Variants in EPB41L1 observed in about 807,000 individuals in gnomAD.
EPB41L1 encodes band 4.1-like protein 1.
A neutral mutation model predicts 97.8 loss-of-function variants in EPB41L1; 29 were observed. The observed-to-expected ratio is 0.30, with a 90% CI of 0.22 to 0.40. The LOEUF (loss-of-function observed/expected upper bound fraction) is 0.40. EPB41L1 is among the 10% of genes least tolerant of loss of function. The pLI is 1.00. For missense variants in EPB41L1, 812 were observed against 1,162.3 expected, an observed-to-expected ratio of 0.70 and a Z score of 4.38; for synonymous variants, 383 against 459.2, an observed-to-expected ratio of 0.83 and a Z score of 2.12.
chr20:36,111,573 G>C (rs2147594095), intron 1 of EPB41L1, among the ~76,000 whole-genome samples: 1 of 152,258 alleles, frequency 6.6e-6, no homozygotes, highest in East Asian at 1.9e-4. Context: ...ATCACTTGAG[G>C]TCAGGAGTTT....
At chr20:36,118,931 T>C (rs1002315611) in intron 2 of EPB41L1, among the ~76,000 whole-genome samples, 3 of 152,084 alleles carry the variant, frequency 2.0e-5, no homozygotes, top group African/African-American at 7.2e-5. Flanking sequence ...TGAAATGACT[T>C]ACCTAGGGCA....
At chr20:36,112,463 G>A (rs995690712) in exon 2 of EPB41L1, 1 of 152,426 alleles carries the variant, frequency 6.6e-6, no homozygotes, top group African/African-American at 2.4e-5. Flanking sequence ...CCGGGGAGCT[G>A]GTGTGGACAG....
chr20:36,215,292 A>G (rs2063376105), intron 17 of EPB41L1, among the ~76,000 whole-genome samples: 1 of 152,040 alleles, frequency 6.6e-6, no homozygotes, highest in South Asian at 2.1e-4. Flanking sequence ...AGGCCTTCTG[A>G]CACCAGGAGC....
At chr20:36,160,309 C>A (rs747501223) in intron 1 of EPB41L1, among the ~76,000 whole-genome samples, 3 of 152,154 alleles carry the variant, frequency 2.0e-5, no homozygotes, top group Non-Finnish European at 2.9e-5. Context: ...GTAGGCCAGG[C>A]ACGGTGGCTC....
rs1290791698 is a variant in EPB41L1, at chr20:36,154,926, C to A, written c.-15+30C>A. 1 of 1,099,256 alleles carries A rather than the reference C, an allele frequency of 9.1e-7. No homozygotes were observed. The highest frequency in any genetic ancestry group is 1.1e-6 in the Non-Finnish European group (1 of 893,870). 68.1% of individuals were successfully genotyped at this position (1,099,256 alleles called of 1,614,324 possible). A position where few individuals can be genotyped will look rare whatever the true frequency, so the allele number is the denominator to read the frequency against. On this transcript the variant is annotated intron_variant, in intron 1 of 21. Coordinates refer to ENST00000338074, the MANE Select transcript of EPB41L1 (RefSeq NM_012156.2). The surrounding 1 kb of genome is among the most constrained non-coding windows in gnomAD (Gnocchi z 5.5). Reference sequence around the variant, plus strand: ...GCACATGGGGGAATCAGGTGGCTCTCGGGGCCGGGGGCTTGCAACATCTAG... The same window carrying A: ...GCACATGGGGGAATCAGGTGGCTCTAGGGGCCGGGGGCTTGCAACATCTAG...
rs971099568 is a variant in EPB41L1, at chr20:36,093,209, G to A, written c.-65+1597G>A. Among the ~76,000 whole-genome samples the A allele has an allele frequency of 6.6e-6, 1 of 152,112 alleles. No individual in the cohort carries two copies. The highest frequency in any genetic ancestry group is 2.1e-4 in the South Asian group (1 of 4,834). On this transcript the variant is annotated intron_variant, in intron 1 of 19. Transcript: ENST00000202028. The surrounding 1 kb of genome is among the most constrained non-coding windows in gnomAD (Gnocchi z 5.4). ...AGGGTGCGTGTGTCTGCGTGTGTCT[G>A]TCGGTGAATGTATCTGTGAGAGGGT...
chr20:36,134,852 CTTTT>C (rs764236552), intron 2 of EPB41L1, among the ~76,000 whole-genome samples: 9 of 107,628 alleles, frequency 8.4e-5, no homozygotes, highest in Non-Finnish European at 1.3e-4. Flanking sequence ...TTTTCTCTGT[CTTTT>C]TTTTTTTTTT....
chr20:36,152,297 C>T (rs2060087142), upstream of EPB41L1: 1 of 152,206 alleles, frequency 6.6e-6, no homozygotes, highest in African/African-American at 2.4e-5. Context: ...GAATTGAGCC[C>T]TTTGGGTATA....
At chr20:36,172,310 C>G (rs1397603776) in intron 1 of EPB41L1, among the ~76,000 whole-genome samples, 5 of 152,034 alleles carry the variant, frequency 3.3e-5, no homozygotes, top group Non-Finnish European at 5.9e-5. Context: ...AACTCCTGAC[C>G]TCAGGTGATC....
chr20:36,094,371 A>G (rs2057763338), intron 1 of EPB41L1, among the ~76,000 whole-genome samples: 1 of 152,180 alleles, frequency 6.6e-6, no homozygotes, highest in South Asian at 2.1e-4. Flanking sequence ...TTGGGAATTT[A>G]GTCTGTGGCT....
intron 5 of EPB41L1, among the ~76,000 whole-genome samples, chr20:36,181,930 T>A (rs1336088806): frequency 6.6e-6 from 1 of 152,192 alleles, no homozygotes; most frequent in Non-Finnish European, 1.5e-5. Context: ...CCTCAGTGTC[T>A]TCATCTATAA....
At chr20:36,203,706 G>A (rs2062626784) in intron 14 of EPB41L1, among the ~76,000 whole-genome samples, 1 of 152,208 alleles carries the variant, frequency 6.6e-6, no homozygotes, top group African/African-American at 2.4e-5. Context: ...CTGTGGTCCT[G>A]AAGCCTTAAT....
rs182114146 is a variant in EPB41L1, at chr20:36,164,585, G to A, written c.-14-9179G>A. ...TGTTCTCATGTTGTTTCACTGCTGT[G>A]CCTATGCATACAAAGACATGCTTCT... On this transcript the variant is annotated intron_variant, in intron 1 of 21. Transcript: ENST00000338074. Among the ~76,000 whole-genome samples, 12 of 152,300 alleles carry A rather than the reference G, an allele frequency of 7.9e-5. No homozygotes were observed. The East Asian group carries it at 2.3e-3, about 29-fold the overall frequency.
intron 21 of EPB41L1, among the ~76,000 whole-genome samples, chr20:36,223,728 T>A (rs1027902923): frequency 6.6e-6 from 1 of 152,186 alleles, no homozygotes; most frequent in African/African-American, 2.4e-5. Flanking sequence ...GATGCAGTAT[T>A]CACAAGGAAG....
chr20:36,150,566 CA>C (rs1355089844), upstream of EPB41L1: 1 of 152,174 alleles, frequency 6.6e-6, no homozygotes, highest in Admixed American at 6.5e-5. Context: ...ACATACCTGT[CA>C]GTCATATTCC....
intron 2 of EPB41L1, among the ~76,000 whole-genome samples, chr20:36,129,253 C>A (rs1005634104): frequency 1.3e-5 from 2 of 152,082 alleles, no homozygotes; most frequent in African/African-American, 4.8e-5. Context: ...TCTGAAGACA[C>A]CAGAAAATTC....
At position 36,207,491 on chromosome 20, in the gene EPB41L1, G is replaced by A. The variant is rs928463588; in HGVS notation, c.1669-1997G>A. The A allele has an allele frequency of 7.0e-6, 9 of 1,289,694 alleles. No homozygotes were observed. Among genetic ancestry groups the A allele is most frequent in the South Asian group, 2.5e-5 (2 of 81,030 alleles). The allele number at this position is 1,289,694 out of a possible 1,614,324, so 79.9% of individuals were successfully genotyped here. A position where few individuals can be genotyped will look rare whatever the true frequency, so the allele number is the denominator to read the frequency against. On this transcript the variant is annotated intron_variant, in intron 14 of 21. Coordinates refer to ENST00000338074, the MANE Select transcript of EPB41L1 (RefSeq NM_012156.2). The surrounding 1 kb of genome is among the most constrained non-coding windows in gnomAD (Gnocchi z 4.9). Reference sequence around the variant, plus strand: ...GAGACCCACGGAGCTGAAACTCGCCGAATGAGTGAGGGTGAAGCAAGGTCC... The same window carrying A: ...GAGACCCACGGAGCTGAAACTCGCCAAATGAGTGAGGGTGAAGCAAGGTCC...
At chr20:36,215,478 C>T (rs940933470) in intron 17 of EPB41L1, among the ~76,000 whole-genome samples, 7 of 152,208 alleles carry the variant, frequency 4.6e-5, no homozygotes, top group African/African-American at 1.4e-4. Context: ...CTGACATACA[C>T]ATAGGAAGGT....
At chr20:36,182,877 C>T (rs1010335688) in intron 6 of EPB41L1, among the ~76,000 whole-genome samples, 9 of 152,154 alleles carry the variant, frequency 5.9e-5, no homozygotes, top group African/African-American at 2.2e-4. Flanking sequence ...TGCCTTTGAA[C>T]GTAGAACTTT....
Sources: allele counts gnomAD v4.1 joint callset (sites outside exome capture counted in the v4.1 genomes callset), GRCh38; gene constraint gnomAD v4.1.1; non-coding constraint Gnocchi (gnomAD v3.1); transcripts MANE v1.5; gene names NCBI Gene and HGNC (gene_info 2026-07-23, HGNC 2026-07-21).